CATSPERD: variants seen among roughly 807,000 people sequenced by gnomAD.
CATSPERD encodes the protein catsper channel auxiliary subunit delta, also known as cation channel sperm-associated auxiliary subunit delta.
In CATSPERD, 86 loss-of-function variants were observed where a neutral mutation model predicts 98.1. The observed-to-expected ratio is 0.88, with a 90% CI of 0.74 to 1.05. The LOEUF is 1.05. CATSPERD is among the 50% of genes least tolerant of loss of function. CATSPERD has a pLI of 0.00. For synonymous variants in CATSPERD, 394 were observed against 390.2 expected (o/e 1.01, Z -0.12); for missense variants, 995 against 1,005.7 (o/e 0.99, Z 0.14).
At chr19:5,721,367 A>G (rs2055470842) in intron 1 of CATSPERD, among the ~76,000 whole-genome samples, 2 of 151,888 alleles carry the variant, frequency 1.3e-5, no homozygotes, top group African/African-American at 2.4e-5. Flanking sequence ...GGTGGAGTGC[A>G]GTGGCGCGAT....
At chr19:5,742,196 GTGTA>G (rs2055992924) in intron 7 of CATSPERD, among the ~76,000 whole-genome samples, 1 of 139,588 alleles carries the variant, frequency 7.2e-6, no homozygotes, top group African/African-American at 2.6e-5. Flanking sequence ...ACGTGTGTGC[GTGTA>G]CATGTGTGCA....
chr19:5,746,124 A>G (rs2056089341), intron 9 of CATSPERD, 61 bp downstream of exon 9: 1 of 1,587,606 alleles, frequency 6.3e-7, no homozygotes. Flanking sequence ...GGGGCCGAGT[A>G]CAGCCTGGAT....
chr19:5,755,342 C>CA (rs1364612890), intron 13 of CATSPERD, among the ~76,000 whole-genome samples: 1 of 152,072 alleles, frequency 6.6e-6, no homozygotes, highest in Non-Finnish European at 1.5e-5. Flanking sequence ...CGATTATACT[C>CA]AGACTATTGA....
chr19:5,759,019 G>A, intron 14 of CATSPERD, 67 bp from the exon 15 acceptor site: 3 of 1,393,596 alleles, frequency 2.2e-6, no homozygotes, highest in South Asian at 1.1e-5. Flanking sequence ...CTCTCCCAAT[G>A]TCCTGAGTTG....
rs2144713834 is a variant in CATSPERD at position 5,778,552 on chromosome 19, G to A, written c.2273G>A (p.Cys758Tyr). Residue 758 changes from cysteine to tyrosine, a missense_variant, in exon 22 of 22, where the codon TGT becomes TAT. This residue lies in a region of CATSPERD where 762 missense variants were observed against 773.7 expected (regional missense o/e 0.98). Coordinates refer to ENST00000381624, the MANE Select transcript of CATSPERD (RefSeq NM_152784.4). ...RTARGRRIKKCATQLCRRCKT... is the reference protein window; with the variant it reads ...RTARGRRIKKYATQLCRRCKT... The stretch of plus-strand genomic sequence containing the variant: ...GCACGCGGCCGCAGGATCAAGAAGT[G>A]TGCGACACAGCTGTGTAGGAGATGC... 1.2e-6 allele frequency: 2 copies of A among 1,613,900 alleles called. No homozygotes were observed. The highest frequency in any genetic ancestry group is 1.1e-5 in the South Asian group (1 of 91,080).
chr19:5,776,285 TCTA>T lies in CATSPERD; in HGVS notation c.2068_2070del (p.Tyr690del). The T allele has an allele frequency of 6.2e-7, 1 of 1,614,182 alleles. No individual in the cohort carries two copies. Among genetic ancestry groups the T allele is most frequent in the Non-Finnish European group, 8.5e-7 (1 of 1,180,024 alleles). ...TTCGGCCACAATGGCTTTTATGTCT[TCTA>T]CATTTCGATCGTGGATCCGTACTAC... On this transcript the variant is annotated inframe_deletion, in exon 21 of 22. Coordinates refer to ENST00000381624, the MANE Select transcript of CATSPERD (RefSeq NM_152784.4).
At chr19:5,762,058 A>ATATATTTTTTTTTTT in intron 15 of CATSPERD, among the ~76,000 whole-genome samples, 3 of 10,438 alleles carry the variant, frequency 2.9e-4, no homozygotes, top group African/African-American at 9.8e-4. Flanking sequence ...ATATATATAT[A>ATATATTTTTTTTTTT]TTTTTTTTTT....
chr19:5,754,322 C>T (rs1358637612), intron 13 of CATSPERD, 77 bp downstream of exon 13: 2 of 922,230 alleles, frequency 2.2e-6, no homozygotes, highest in African/African-American at 1.6e-5. Flanking sequence ...TTCTGGAAAT[C>T]CCCTGGCATC....
intron 20 of CATSPERD, chr19:5,775,253 G>A (rs541037046): frequency 1.5e-5 from 7 of 471,340 alleles, no homozygotes; most frequent in South Asian, 7.7e-5. Flanking sequence ...CTGTTTTAAA[G>A]AAGAGGCATG....
rs1318307583 is a variant in CATSPERD, at chr19:5,770,966, CA to C, written c.1658del (p.Gln553ArgfsTer55). ...IEKEFYDPGFQGQQSSEDLHV... is the reference protein window; with the variant it reads ...IEKEFYDPGFXGQQSSEDLHV... ...AAGGGAATTCTACGACCCCGGCTTC[CA>C]GGGGCAGCAGTCCTCCGAGGACCTG... is the stretch of plus-strand genomic sequence containing the variant. On this transcript the variant is annotated frameshift_variant, in exon 19 of 22. Transcript: ENST00000381624. LOFTEE classifies it high-confidence loss of function. 1 of 1,611,416 alleles carries C rather than the reference CA, an allele frequency of 6.2e-7. No homozygotes were observed. The highest frequency in any genetic ancestry group is 8.5e-7 in the Non-Finnish European group (1 of 1,179,082).
intron 18 of CATSPERD, among the ~76,000 whole-genome samples, chr19:5,768,887 C>T (rs922042142): frequency 3.3e-5 from 5 of 150,612 alleles, no homozygotes; most frequent in South Asian, 2.2e-4. Context: ...GAGTTATGGC[C>T]GGGCCCGGTG....
chr19:5,730,680 C>A (rs960577417), intron 4 of CATSPERD, among the ~76,000 whole-genome samples: 1 of 151,940 alleles, frequency 6.6e-6, no homozygotes, highest in Non-Finnish European at 1.5e-5. Flanking sequence ...ATTGATTGGC[C>A]AAGACAGGAG....
At chr19:5,774,637 C>T (rs761956216) in intron 20 of CATSPERD, among the ~76,000 whole-genome samples, 29 of 151,916 alleles carry the variant, frequency 1.9e-4, no homozygotes, top group Admixed American at 5.3e-4. Context: ...TGCAGTGAGC[C>T]GAAACTGCAC....
intron 20 of CATSPERD, among the ~76,000 whole-genome samples, chr19:5,774,465 G>GAT (rs2056705475): frequency 1.3e-5 from 2 of 151,146 alleles, no homozygotes; most frequent in Admixed American, 6.6e-5. Flanking sequence ...GGCCAAGGTG[G>GAT]GCAGATTACT....
chr19:5,744,169 G>A (rs998222982), intron 7 of CATSPERD, among the ~76,000 whole-genome samples: 3 of 151,894 alleles, frequency 2.0e-5, no homozygotes, highest in African/African-American at 7.3e-5. Context: ...TAGTAGAGAT[G>A]GGGTTTCACC....
intron 15 of CATSPERD, among the ~76,000 whole-genome samples, chr19:5,760,983 C>G (rs777234863): frequency 7.9e-5 from 12 of 151,284 alleles, no homozygotes; most frequent in Non-Finnish European, 1.6e-4. Flanking sequence ...AGCCTTCTAT[C>G]GAGTTTTCAC....
chr19:5,778,547 G>A lies in CATSPERD; in HGVS notation c.2268G>A (p.Lys756=), dbSNP rs375385002. The A allele has an allele frequency of 1.9e-6, 3 of 1,613,868 alleles. No individual in the cohort carries two copies. The highest frequency in any genetic ancestry group is 2.7e-5 in the African/African-American group (2 of 74,916). ...GCACAGCACGCGGCCGCAGGATCAA[G>A]AAGTGTGCGACACAGCTGTGTAGGA... ...LLRTARGRRI[K]KCATQLCRRC... Residue 756 remains lysine, a synonymous_variant, in exon 22 of 22, where the codon AAG becomes AAA. Coordinates refer to ENST00000381624, the MANE Select transcript of CATSPERD (RefSeq NM_152784.4).
intron 15 of CATSPERD, 93 bp downstream of exon 15, chr19:5,759,237 A>T: frequency 8.6e-7 from 1 of 1,164,484 alleles, no homozygotes; most frequent in Non-Finnish European, 1.3e-6. Flanking sequence ...TCAGACCCCC[A>T]GCTCCAGAAC....
Position 5,753,300 on chromosome 19 carries a change from C to G in CATSPERD, c.1165-832C>G, listed in dbSNP as rs188005456. On this transcript the variant is annotated intron_variant, in intron 12 of 21. Transcript: ENST00000381624. ...GAGGGGGCGGGCGCGGTGGCTCACGCCTGTAATCCCAGCGCTTTGGGAGGC... is the reference window on the plus strand; with the variant it reads ...GAGGGGGCGGGCGCGGTGGCTCACGGCTGTAATCCCAGCGCTTTGGGAGGC... 2.2e-3 allele frequency among the ~76,000 whole-genome samples: 341 copies of G among 151,854 alleles called. 2 individuals carry two copies. Among genetic ancestry groups the G allele is most frequent in the African/African-American group, 7.9e-3 (329 of 41,440 alleles).
Sources: allele counts gnomAD v4.1 joint callset (sites outside exome capture counted in the v4.1 genomes callset), GRCh38; gene constraint gnomAD v4.1.1; regional missense constraint gnomAD v4.1.1; transcripts MANE v1.5; gene names NCBI Gene and HGNC (gene_info 2026-07-23, HGNC 2026-07-21).